CARS1: variants seen among roughly 807,000 people sequenced by gnomAD.
CARS1 encodes cysteine--tRNA ligase, cytoplasmic.
Under a neutral mutation model 106.2 loss-of-function variants are expected in CARS1, and 48 were observed. That is an observed-to-expected ratio of 0.45 (90% CI 0.36 to 0.57). The LOEUF (loss-of-function observed/expected upper bound fraction) is 0.57. CARS1 is among the 20% of genes least tolerant of loss of function. The pLI, the probability that CARS1 is intolerant of heterozygous loss-of-function variation, is 0.00. For missense variants in CARS1, 968 were observed against 1,057.2 expected (o/e 0.92, Z 1.17); for synonymous variants, 409 against 403.4 (o/e 1.01, Z -0.17).
chr11:3,016,530 G>C (rs77109740), intron 16 of CARS1, among the ~76,000 whole-genome samples: 4,835 of 152,186 alleles, frequency 0.032, 250 homozygotes, highest in African/African-American at 0.11. Context: ...GCGTGGTTTT[G>C]CTTTTCAAAC....
chr11:3,047,007 G>T (rs1855155201), intron 2 of CARS1, among the ~76,000 whole-genome samples: 1 of 152,198 alleles, frequency 6.6e-6, no homozygotes, highest in Non-Finnish European at 1.5e-5. Context: ...GCCGGGCGCG[G>T]TGGTTCACAC....
In CARS1 at chr11:3,027,775, G is replaced by A. The variant is rs192805604; in HGVS notation, c.1032-978C>T. 199 of 453,298 alleles carry A rather than the reference G, an allele frequency of 4.4e-4. 1 individual carries two copies. The highest frequency in any genetic ancestry group is 3.3e-3 in the African/African-American group (167 of 50,154). 28.1% of individuals were successfully genotyped at this position (453,298 alleles called of 1,614,324 possible). A position where few individuals can be genotyped will look rare whatever the true frequency, so the allele number is the denominator to read the frequency against. On this transcript the variant is annotated intron_variant, in intron 9 of 22. Coordinates refer to ENST00000380525, the MANE Select transcript of CARS1 (RefSeq NM_001014437.3). ...AAGGGTTCCTTGGTCTAGTGGTAAC[G>A]CCAGCGTCTGGGAGGATGCCCGTTG...
rs930200450 is a variant in CARS1 at position 3,022,533 on chromosome 11, G to A, written c.1154-2201C>T. Among the ~76,000 whole-genome samples, 4 of 152,146 alleles carry A rather than the reference G, an allele frequency of 2.6e-5. No individual in the cohort carries two copies. Among genetic ancestry groups the A allele is most frequent in the African/African-American group, 4.8e-5 (2 of 41,442 alleles). On this transcript the variant is annotated intron_variant, in intron 10 of 22. Transcript: ENST00000380525. The surrounding 1 kb of genome is among the most constrained non-coding windows in gnomAD (Gnocchi z 4.9). Reference sequence around the variant, plus strand: ...CCCTGGTATCCCGGTATACTGACTCGCTGTGCATTGGGCAACAGACCTATT... The same window carrying A: ...CCCTGGTATCCCGGTATACTGACTCACTGTGCATTGGGCAACAGACCTATT...
intron 18 of CARS1, chr11:3,009,545 ACTGAG>A (rs1300685559): frequency 6.6e-6 from 1 of 152,214 alleles, no homozygotes; most frequent in Non-Finnish European, 1.5e-5. Flanking sequence ...CCCTAATGGC[ACTGAG>A]CTGTGTATTT....
In CARS1 at chr11:3,019,131, T is replaced by G. The variant is rs753701328; in HGVS notation, c.1395+8A>C. 6.6e-7 allele frequency: 1 copy of G among 1,511,662 alleles called. No individual in the cohort carries two copies. Among genetic ancestry groups the G allele is most frequent in the Non-Finnish European group, 8.8e-7 (1 of 1,135,002 alleles). The allele number at this position is 1,511,662 out of a possible 1,614,324, so 93.6% of individuals were successfully genotyped here. On this transcript the variant is annotated splice_region_variant and intron_variant, in intron 12 of 22. Transcript: ENST00000380525. The surrounding 1 kb of genome is among the most constrained non-coding windows in gnomAD (Gnocchi z 6.2). ...TGCACCTGACAAGGGGACTCTGTTT[T>G]CACCTACCTCCGACTGTGCCAGCTC...
rs1852602363 is a variant in CARS1 at position 3,030,395 on chromosome 11, C to T, written c.802-952G>A. On this transcript the variant is annotated intron_variant, in intron 7 of 22. Coordinates refer to ENST00000380525, the MANE Select transcript of CARS1 (RefSeq NM_001014437.3). This position sits in a 1 kb window ranked among gnomAD's most constrained non-coding sequence, Gnocchi z 5.7. The stretch of plus-strand genomic sequence containing the variant: ...CAGGCCTGCAAGTGGCAAGGCACGT[C>T]TGCAGGAATGAGCACACCCTCCCCA... 6.6e-6 allele frequency: 1 copy of T among 152,378 alleles called. No homozygotes were observed. Among genetic ancestry groups the T allele is most frequent in the Non-Finnish European group, 1.5e-5 (1 of 68,064 alleles). The allele number at this position is 152,378 out of a possible 1,614,324, so 9.4% of individuals were successfully genotyped here. A position where few individuals can be genotyped will look rare whatever the true frequency, so the allele number is the denominator to read the frequency against.
At position 3,002,620 on chromosome 11, in the gene CARS1, C is replaced by G. The variant is rs201089502; in HGVS notation, c.2218-20G>C. The G allele has an allele frequency of 6.2e-7, 1 of 1,613,806 alleles. No individual in the cohort carries two copies. The highest frequency in any genetic ancestry group is 1.3e-5 in the African/African-American group (1 of 75,038). ...TTCAACCTGGAGGGTCAATACAGAG[C>G]CAGATGAGACAGGGCTGCCTCAGGC... On this transcript the variant is annotated intron_variant, in intron 20 of 22. Transcript: ENST00000380525.
At chr11:3,026,376 C>A (rs1413312598) in intron 10 of CARS1, among the ~76,000 whole-genome samples, 1 of 152,198 alleles carries the variant, frequency 6.6e-6, no homozygotes. Context: ...AGGTAAACGT[C>A]TAAGGTGACG....
chr11:3,039,979 G>T lies in CARS1; in HGVS notation c.456-48C>A. 1 of 970,072 alleles carries T rather than the reference G, an allele frequency of 1.0e-6. No homozygotes were observed. The highest frequency in any genetic ancestry group is 1.6e-6 in the Non-Finnish European group (1 of 628,946). 60.1% of individuals were successfully genotyped at this position (970,072 alleles called of 1,614,324 possible). A position where few individuals can be genotyped will look rare whatever the true frequency, so the allele number is the denominator to read the frequency against. On this transcript the variant is annotated intron_variant, in intron 4 of 22. Transcript: ENST00000380525. This position sits in a 1 kb window ranked among gnomAD's most constrained non-coding sequence, Gnocchi z 5.6. Reference sequence around the variant, plus strand: ...ATTTCCACACCAGACGATATGTATAGCTTAACCTCCAACAACACGTGTTTG... The same window carrying T: ...ATTTCCACACCAGACGATATGTATATCTTAACCTCCAACAACACGTGTTTG...
In CARS1 at chr11:3,041,651, G is replaced by C. The variant is rs114220031; in HGVS notation, c.366+514C>G. Among the ~76,000 whole-genome samples, 1,256 of 152,184 alleles carry C rather than the reference G, an allele frequency of 8.3e-3. 17 individuals carry two copies. Among genetic ancestry groups the C allele is most frequent in the African/African-American group, 0.029 (1,193 of 41,512 alleles). ...TCCAAGCAGCCCCGCCCAGAGCCTG[G>C]TCTGAAATCACTGGAGTCACTGGCC... On this transcript the variant is annotated intron_variant, in intron 3 of 22. Transcript: ENST00000380525. The surrounding 1 kb of genome is among the most constrained non-coding windows in gnomAD (Gnocchi z 4.9).
chr11:3,049,999 T>C (rs1300806646), intron 1 of CARS1, among the ~76,000 whole-genome samples: 1 of 152,190 alleles, frequency 6.6e-6, no homozygotes, highest in South Asian at 2.1e-4. Context: ...TGAGTCAGAA[T>C]GGAGTGCACA....
intron 18 of CARS1, chr11:3,009,107 G>C (rs1441504527): frequency 6.6e-6 from 1 of 152,402 alleles, no homozygotes; most frequent in African/African-American, 2.4e-5. Flanking sequence ...TCTGTTAGCA[G>C]AGCTGGGGCA....
chr11:3,029,197 C>A lies in CARS1; in HGVS notation c.942+106G>T. On this transcript the variant is annotated intron_variant, in intron 8 of 22. Transcript: ENST00000380525. This position sits in a 1 kb window ranked among gnomAD's most constrained non-coding sequence, Gnocchi z 5.9. ...CCCATTATGCCCCTCAACTCAAGTT[C>A]AATGTTGACTTGGCCGCTTAATTGA... is the stretch of plus-strand genomic sequence containing the variant. 6.8e-7 allele frequency: 1 copy of A among 1,464,900 alleles called. No homozygotes were observed. The highest frequency in any genetic ancestry group is 1.2e-5 in the South Asian group (1 of 86,910). 90.7% of individuals were successfully genotyped at this position (1,464,900 alleles called of 1,614,324 possible).
In CARS1 at chr11:3,032,001, TCCCTCCC is replaced by T. The variant is rs1565074424; in HGVS notation, c.802-2565_802-2559del. Among the ~76,000 whole-genome samples the T allele has an allele frequency of 9.3e-3, 122 of 13,122 alleles. 24 individuals carry two copies. The highest frequency in any genetic ancestry group is 0.022 in the African/African-American group (100 of 4,500). 8.6% of individuals were successfully genotyped at this position (13,122 alleles called of 152,430 possible). On this transcript the variant is annotated intron_variant, in intron 7 of 22. Transcript: ENST00000380525. The stretch of plus-strand genomic sequence containing the variant: ...TTTTCTTTCTCCTTCCTTCCTTCCC[TCCCTCCC>T]TCCCTCCCTCCCTCCCTCCCTCCCT...
Position 3,020,428 on chromosome 11 carries a change from C to A in CARS1, c.1154-96G>T, listed in dbSNP as rs973115553. The A allele has an allele frequency of 2.8e-6, 2 of 713,260 alleles. No individual in the cohort carries two copies. The highest frequency in any genetic ancestry group is 2.6e-6 in the Non-Finnish European group (1 of 391,750). 44.2% of individuals were successfully genotyped at this position (713,260 alleles called of 1,614,324 possible). Reference sequence around the variant, plus strand: ...CCATCCACGGTGCCTAATGGGCAGTCCTTCTGACTAACTTCTGTTTATTAA... The same window carrying A: ...CCATCCACGGTGCCTAATGGGCAGTACTTCTGACTAACTTCTGTTTATTAA... On this transcript the variant is annotated intron_variant, in intron 10 of 22. Coordinates refer to ENST00000380525, the MANE Select transcript of CARS1 (RefSeq NM_001014437.3). The surrounding 1 kb of genome is among the most constrained non-coding windows in gnomAD (Gnocchi z 4.6).
chr11:3,005,717 T>C (rs950920852), intron 19 of CARS1, among the ~76,000 whole-genome samples: 1 of 151,484 alleles, frequency 6.6e-6, no homozygotes, highest in African/African-American at 2.4e-5. Flanking sequence ...ACTGCAACCT[T>C]TGCCTATCGG....
intron 18 of CARS1, 94 bp from the exon 19 acceptor site, chr11:3,007,053 G>T: frequency 9.7e-7 from 1 of 1,026,392 alleles, no homozygotes; most frequent in Non-Finnish European, 1.5e-6. Flanking sequence ...AGGGGCCGTG[G>T]CCCACAGAAC....
In CARS1 at chr11:3,008,742, A is replaced by G. The variant is rs887444597; in HGVS notation, c.2069-1783T>C. 6.6e-6 allele frequency: 1 copy of G among 152,120 alleles called. No individual in the cohort carries two copies. The highest frequency in any genetic ancestry group is 1.5e-5 in the Non-Finnish European group (1 of 68,048). The allele number at this position is 152,120 out of a possible 1,614,324, so 9.4% of individuals were successfully genotyped here. ...GAGACCTAGGGGAACAATGGCCTTT[A>G]TATTTGTCTGCAGTATCATTCCTGG... On this transcript the variant is annotated intron_variant, in intron 18 of 22. Coordinates refer to ENST00000380525, the MANE Select transcript of CARS1 (RefSeq NM_001014437.3). This position sits in a 1 kb window ranked among gnomAD's most constrained non-coding sequence, Gnocchi z 5.1.
At chr11:3,033,914 ACTG>A in intron 7 of CARS1, among the ~76,000 whole-genome samples, 1 of 152,316 alleles carries the variant, frequency 6.6e-6, no homozygotes, top group South Asian at 2.1e-4. Context: ...CTCCTGCAGG[ACTG>A]GGCAATTTTT....
Sources: gnomAD v4.1 joint callset for allele counts (sites outside exome capture counted in the v4.1 genomes callset) on GRCh38, gnomAD v4.1.1 for gene constraint, Gnocchi (gnomAD v3.1) non-coding constraint, MANE v1.5 for transcripts, NCBI Gene and HGNC (gene_info 2026-07-23, HGNC 2026-07-21) for gene names.